Variants in TASP1 observed in about 807,000 individuals in gnomAD.
The protein encoded by TASP1 is taspase 1.
In TASP1, 16 loss-of-function variants were observed where a neutral mutation model predicts 56.6. That is an observed-to-expected ratio of 0.28 (90% CI 0.19 to 0.43). The LOEUF is 0.43. TASP1 is among the 20% of genes least tolerant of loss of function. TASP1 has a pLI of 1.00. For missense variants in TASP1, 393 were observed against 511.6 expected, an observed-to-expected ratio of 0.77 and a Z score of 2.24; for synonymous variants, 179 against 184.2, an observed-to-expected ratio of 0.97 and a Z score of 0.23.
At chr20:13,531,074 C>T (rs1434855734) in intron 9 of TASP1, among the ~76,000 whole-genome samples, 3 of 152,132 alleles carry the variant, frequency 2.0e-5, no homozygotes, top group Non-Finnish European at 4.4e-5. Flanking sequence ...TGCGAATTAA[C>T]GTACTTGCTG....
the TASP1 span, among the ~76,000 whole-genome samples, chr20:13,327,316 A>G: frequency 6.6e-6 from 1 of 152,016 alleles, no homozygotes; most frequent in Non-Finnish European, 1.5e-5. Context: ...CAGAGAAGAC[A>G]CAATGGAGCA....
chr20:13,605,892 C>T (rs558696179), intron 4 of TASP1, among the ~76,000 whole-genome samples: 1 of 152,128 alleles, frequency 6.6e-6, no homozygotes, highest in East Asian at 1.9e-4. Context: ...ATCCAAAGTC[C>T]TAATTTTCAA....
chr20:13,471,665 C>T (rs766961884), intron 11 of TASP1, among the ~76,000 whole-genome samples: 2 of 152,168 alleles, frequency 1.3e-5, no homozygotes, highest in Non-Finnish European at 2.9e-5. Flanking sequence ...ATCCATCCCA[C>T]ATCTTAGAAT....
chr20:13,599,644 C>T (rs1173150711), intron 4 of TASP1, among the ~76,000 whole-genome samples: 2 of 151,466 alleles, frequency 1.3e-5, no homozygotes, highest in African/African-American at 2.4e-5. Flanking sequence ...ACCTGCACGT[C>T]GTGTACATCT....
At chr20:13,160,043 G>A in the TASP1 span, 10 of 1,613,464 alleles carry the variant, frequency 6.2e-6, no homozygotes, top group Non-Finnish European at 8.5e-6. Flanking sequence ...AATTGGAGTG[G>A]TGGTCGTGGG....
chr20:13,445,149 CAT>C (rs935089774), intron 11 of TASP1, among the ~76,000 whole-genome samples: 2 of 152,134 alleles, frequency 1.3e-5, no homozygotes, highest in African/African-American at 4.8e-5. Flanking sequence ...ATCCCATATA[CAT>C]ATGGGAGAGA....
chr20:13,170,727 G>A, the TASP1 span, among the ~76,000 whole-genome samples: 1 of 152,116 alleles, frequency 6.6e-6, no homozygotes, highest in Non-Finnish European at 1.5e-5. Flanking sequence ...ATTAGGTTTG[G>A]GTCGGCTGCA....
downstream of TASP1, among the ~76,000 whole-genome samples, chr20:13,388,022 C>T (rs2123542272): frequency 6.6e-6 from 1 of 152,330 alleles, no homozygotes; most frequent in African/African-American, 2.4e-5. Context: ...TCACAGTGAC[C>T]ACCTTGAGGA....
chr20:13,631,051 T>C (rs1299250909), intron 1 of TASP1, among the ~76,000 whole-genome samples: 3 of 152,150 alleles, frequency 2.0e-5, no homozygotes, highest in Non-Finnish European at 4.4e-5. Flanking sequence ...TTTATTTGTA[T>C]TTTACATAAG....
At chr20:13,545,876 A>G (rs898709994) in intron 8 of TASP1, among the ~76,000 whole-genome samples, 8 of 152,154 alleles carry the variant, frequency 5.3e-5, no homozygotes, top group Non-Finnish European at 7.3e-5. Flanking sequence ...ACCCAGACAT[A>G]TAAGTCTGAC....
At chr20:13,497,809 T>C (rs1037713269) in intron 10 of TASP1, among the ~76,000 whole-genome samples, 2 of 152,078 alleles carry the variant, frequency 1.3e-5, no homozygotes, top group Non-Finnish European at 2.9e-5. Context: ...TGGAACAGAA[T>C]AGAAAACTCA....
the TASP1 span, among the ~76,000 whole-genome samples, chr20:13,339,486 G>C: frequency 6.6e-6 from 1 of 152,106 alleles, no homozygotes; most frequent in Non-Finnish European, 1.5e-5. Flanking sequence ...ATTTTCCCCA[G>C]ACTCAGAGAA....
At chr20:13,213,225 T>C in the TASP1 span, among the ~76,000 whole-genome samples, 1 of 152,232 alleles carries the variant, frequency 6.6e-6, no homozygotes, top group Non-Finnish European at 1.5e-5. Flanking sequence ...TGTTGGATTT[T>C]TTCTTTATTT....
At chr20:13,275,722 C>A in the TASP1 span, among the ~76,000 whole-genome samples, 1 of 152,146 alleles carries the variant, frequency 6.6e-6, no homozygotes, top group Non-Finnish European at 1.5e-5. Flanking sequence ...TAGCACAGGG[C>A]CCAGTATAGG....
At chr20:13,192,031 T>G in the TASP1 span, among the ~76,000 whole-genome samples, 29 of 152,278 alleles carry the variant, frequency 1.9e-4, no homozygotes, top group African/African-American at 6.5e-4. Flanking sequence ...TATAGCAGCA[T>G]GAAGACAGAA....
chr20:13,589,068 T>G (rs1055782195), intron 4 of TASP1, among the ~76,000 whole-genome samples: 1 of 150,462 alleles, frequency 6.6e-6, no homozygotes, highest in African/African-American at 2.4e-5. Context: ...TTTTTTTTTT[T>G]TTTTTTTGAG....
the TASP1 span, among the ~76,000 whole-genome samples, chr20:13,330,633 AC>A: frequency 6.6e-6 from 1 of 152,222 alleles, no homozygotes; most frequent in African/African-American, 2.4e-5. Flanking sequence ...CAGTGAAACT[AC>A]CTGAGCTTGA....
chr20:13,129,941 GA>G, the TASP1 span, among the ~76,000 whole-genome samples: 78 of 147,130 alleles, frequency 5.3e-4, no homozygotes, highest in East Asian at 1.6e-3. Context: ...TCTTAAGAGA[GA>G]AAAAAAAAAC....
At chr20:13,511,851 A>C (rs543862357) in intron 10 of TASP1, among the ~76,000 whole-genome samples, 331 of 147,822 alleles carry the variant, frequency 2.2e-3, no homozygotes, top group Middle Eastern at 0.01. Context: ...TGAGAACATG[A>C]GGTGTTTGGT....
Sources: allele counts gnomAD v4.1 joint callset (sites outside exome capture counted in the v4.1 genomes callset), GRCh38; gene constraint gnomAD v4.1.1; transcripts MANE v1.5; gene names NCBI Gene and HGNC (gene_info 2026-07-23, HGNC 2026-07-21).